PSAT1: variants seen among roughly 807,000 people sequenced by gnomAD.
PSAT1 encodes the protein phosphoserine aminotransferase.
In PSAT1, 41 loss-of-function variants were observed where a neutral mutation model predicts 40.3. The observed-to-expected ratio is 1.02, with a 90% confidence interval of 0.79 to 1.32. PSAT1 has a LOEUF of 1.32. Ranked by LOEUF, PSAT1 falls within the 40% of genes most tolerant of loss-of-function variation. The pLI, the probability that PSAT1 is intolerant of heterozygous loss-of-function variation, is 0.00. For missense variants in PSAT1, 406 were observed against 455.8 expected (o/e 0.89, Z 0.99); for synonymous variants, 147 against 170.5 (o/e 0.86, Z 1.07).
chr9:78,314,965 G>A (rs1010087545), intron 6 of PSAT1, among the ~76,000 whole-genome samples: 1 of 152,088 alleles, frequency 6.6e-6, no homozygotes, highest in African/African-American at 2.4e-5. Flanking sequence ...ACATGGCAGG[G>A]TGTGTTTCTG....
At chr9:78,317,940 GC>G in intron 7 of PSAT1, 136 bp downstream of exon 7, 1 of 1,120,758 alleles carries the variant, frequency 8.9e-7, no homozygotes, top group Non-Finnish European at 1.3e-6. Context: ...GTGGTCCTGG[GC>G]CCCATGAGCA....
At chr9:78,303,291 G>A (rs561526865) in intron 3 of PSAT1, among the ~76,000 whole-genome samples, 5 of 152,200 alleles carry the variant, frequency 3.3e-5, no homozygotes, top group African/African-American at 1.2e-4. Context: ...CAATGTGAAT[G>A]TTCAGAGCTG....
chr9:78,309,234 A>G (rs1828230594), intron 6 of PSAT1, among the ~76,000 whole-genome samples: 1 of 152,230 alleles, frequency 6.6e-6, no homozygotes, highest in South Asian at 2.1e-4. Context: ...CTGCATCTCA[A>G]ACAGCCAGTG....
At chr9:78,304,472 C>G (rs1828151700) in intron 3 of PSAT1, among the ~76,000 whole-genome samples, 1 of 152,200 alleles carries the variant, frequency 6.6e-6, no homozygotes. Flanking sequence ...CCTAAAGGAA[C>G]ATCAGGCTGT....
At chr9:78,325,777 T>A (rs1227791562) in intron 7 of PSAT1, among the ~76,000 whole-genome samples, 3 of 152,234 alleles carry the variant, frequency 2.0e-5, no homozygotes, top group Non-Finnish European at 2.9e-5. Context: ...GGGTAGTGCA[T>A]AAATATTTGT....
At chr9:78,324,925 G>GGTAC (rs1828475736) in intron 7 of PSAT1, among the ~76,000 whole-genome samples, 1 of 152,110 alleles carries the variant, frequency 6.6e-6, no homozygotes, top group South Asian at 2.1e-4. Flanking sequence ...CCGGCACCTT[G>GGTAC]GTACAGGCCC....
chr9:78,306,321 A>G lies in PSAT1; in HGVS notation c.405A>G (p.Pro135=). 6.2e-7 allele frequency: 1 copy of G among 1,612,218 alleles called. No homozygotes were observed. Among genetic ancestry groups the G allele is most frequent in the Non-Finnish European group, 8.5e-7 (1 of 1,179,880 alleles). ...HPKLGSYTKI[P]DPSTWNLNPD... is the part of the protein sequence containing the mutation. ...ACTTGTCTTCTGTGATAGAAATTCCAGATCCAAGCACCTGGAACCTCAACC... is the reference window on the plus strand; with the variant it reads ...ACTTGTCTTCTGTGATAGAAATTCCGGATCCAAGCACCTGGAACCTCAACC... The change falls in exon 5 of 9, where the codon CCA becomes CCG. Residue 135 remains proline (P), a synonymous_variant. Coordinates refer to ENST00000376588, the MANE Select transcript of PSAT1 (RefSeq NM_058179.4).
chr9:78,328,272 G>T, intron 8 of PSAT1, 84 bp downstream of exon 8: 1 of 1,553,312 alleles, frequency 6.4e-7, no homozygotes, highest in Non-Finnish European at 8.8e-7. Flanking sequence ...ATAGGAGCCT[G>T]CTTAGCTTGG....
rs866611948 is a variant in PSAT1, at chr9:78,309,550, A to G, written c.740+967A>G. 2.0e-5 allele frequency among the ~76,000 whole-genome samples: 3 copies of G among 152,292 alleles called. No individual in the cohort carries two copies. The Middle Eastern group carries it at 0.01, about 518-fold the overall frequency. On this transcript the variant is annotated intron_variant, in intron 6 of 8. Transcript: ENST00000376588. ...GCTAATTTTTGTATTTTTAGTAGAG[A>G]TGGAGTTTCACCATGTTGGTCAGGC... is the stretch of plus-strand genomic sequence containing the variant.
At chr9:78,317,886 C>A in intron 7 of PSAT1, 82 bp downstream of exon 7, 2 of 1,457,186 alleles carry the variant, frequency 1.4e-6, no homozygotes, top group Non-Finnish European at 1.9e-6. Context: ...GAAAAGTGGA[C>A]ATATTCACCT....
chr9:78,301,718 T>G (rs1396943948), intron 2 of PSAT1, among the ~76,000 whole-genome samples: 1 of 152,212 alleles, frequency 6.6e-6, no homozygotes, highest in African/African-American at 2.4e-5. Context: ...AATAACTTGC[T>G]CAGTGAATGT....
At chr9:78,326,318 C>T (rs1156634689) in intron 7 of PSAT1, among the ~76,000 whole-genome samples, 1 of 151,952 alleles carries the variant, frequency 6.6e-6, no homozygotes, top group Non-Finnish European at 1.5e-5. Context: ...CACATTGTAC[C>T]TTTTTTTAAA....
At chr9:78,320,067 C>T (rs371430863) in intron 7 of PSAT1, among the ~76,000 whole-genome samples, 1 of 151,638 alleles carries the variant, frequency 6.6e-6, no homozygotes, top group African/African-American at 2.4e-5. Context: ...CACCATTGAC[C>T]CACCCATCCA....
At chr9:78,328,313 C>A in intron 8 of PSAT1, 125 bp downstream of exon 8, 1 of 1,165,682 alleles carries the variant, frequency 8.6e-7, no homozygotes. Context: ...TTGGGCCAAC[C>A]CAGCTGTTAT....
At chr9:78,297,335 G>C in intron 1 of PSAT1, 65 bp downstream of exon 1, 1 of 1,522,952 alleles carries the variant, frequency 6.6e-7, no homozygotes, top group East Asian at 2.4e-5. Flanking sequence ...GGGTGGGTTT[G>C]CATCCCTGCG....
chr9:78,302,509 G>A (rs1394630641), intron 3 of PSAT1, among the ~76,000 whole-genome samples: 17 of 152,026 alleles, frequency 1.1e-4, no homozygotes, highest in Admixed American at 9.2e-4. Flanking sequence ...CGGGTGGATC[G>A]TGAGATCAGG....
intron 7 of PSAT1, among the ~76,000 whole-genome samples, chr9:78,327,646 A>G (rs1237431849): frequency 6.6e-6 from 1 of 152,208 alleles, no homozygotes; most frequent in African/African-American, 2.4e-5. Context: ...TACAGCCACT[A>G]TAGGACCAAC....
chr9:78,300,510 C>A, intron 1 of PSAT1, 92 bp from the exon 2 acceptor site: 2 of 1,484,108 alleles, frequency 1.3e-6, no homozygotes, highest in African/African-American at 1.4e-5. Flanking sequence ...CACTGTAGAC[C>A]CTTCCTTGTC....
chr9:78,308,346 G>A (rs1226502279), intron 5 of PSAT1, 68 bp from the exon 6 acceptor site: 2 of 1,549,414 alleles, frequency 1.3e-6, no homozygotes, highest in African/African-American at 1.4e-5. Context: ...GGAAGAGTTG[G>A]GAAGTTTGCA....
Sources: allele counts gnomAD v4.1 joint callset (sites outside exome capture counted in the v4.1 genomes callset), GRCh38; gene constraint gnomAD v4.1.1; transcripts MANE v1.5; gene names NCBI Gene and HGNC (gene_info 2026-07-23, HGNC 2026-07-21).